TRAPPC9: variants seen among roughly 807,000 people sequenced by gnomAD.
TRAPPC9 encodes the protein IKK2 binding protein.
A neutral mutation model predicts 124.0 loss-of-function variants in TRAPPC9; 83 were observed. That is an observed-to-expected ratio of 0.67 (90% CI 0.56 to 0.80). The LOEUF is 0.80. Among genes scored for constraint, TRAPPC9 ranks in the 30% least tolerant of loss-of-function variants. The pLI, the probability that TRAPPC9 is intolerant of heterozygous loss-of-function variation, is 0.00. For missense variants in TRAPPC9, 1,302 were observed against 1,508.3 expected (o/e 0.86, Z 2.27); for synonymous variants, 638 against 617.5 (o/e 1.03, Z -0.49).
chr8:140,289,447 A>C (rs2065586836), intron 12 of TRAPPC9, among the ~76,000 whole-genome samples: 1 of 152,206 alleles, frequency 6.6e-6, no homozygotes, highest in Non-Finnish European at 1.5e-5. Context: ...AGCTAAAGCA[A>C]TATGGCCAAC....
At chr8:140,395,429 T>C (rs1304088513) in intron 7 of TRAPPC9, among the ~76,000 whole-genome samples, 2 of 152,136 alleles carry the variant, frequency 1.3e-5, no homozygotes, top group African/African-American at 4.8e-5. Flanking sequence ...AAACATCTCG[T>C]CAAGGGAAGT....
At chr8:140,301,789 T>C (rs1007676185) in intron 10 of TRAPPC9, among the ~76,000 whole-genome samples, 10 of 152,054 alleles carry the variant, frequency 6.6e-5, no homozygotes, top group African/African-American at 1.2e-4. Context: ...ACACACACTT[T>C]AGAGTGACGG....
At position 140,089,239 on chromosome 8, in the gene TRAPPC9, G is replaced by A. The variant is rs528706864; in HGVS notation, c.2557-65160C>T. Among the ~76,000 whole-genome samples the A allele has an allele frequency of 3.9e-5, 6 of 152,244 alleles. No homozygotes were observed. In the South Asian group the frequency reaches 1.2e-3, roughly 32 times the overall value. ...TTCAAAAGCCTCTTCCCCCCCGAGT[G>A]TTCCCCAGAGGCAGCACCTCATCCT... On this transcript the variant is annotated intron_variant, in intron 17 of 22. Transcript: ENST00000438773.
rs76394757 is a variant in TRAPPC9, at chr8:140,286,467, A to G, written c.1981+1141T>C. On this transcript the variant is annotated intron_variant, in intron 13 of 22. Transcript: ENST00000438773. ...AGACCAGGGCAAAAACACCAGTCCC[A>G]GTGCTTTTGTGACAAACCCTAGAAG... 5.9e-3 allele frequency among the ~76,000 whole-genome samples: 904 copies of G among 152,310 alleles called. 28 individuals carry two copies. The highest frequency in any genetic ancestry group is 0.044 in the Admixed American group (678 of 15,298).
At chr8:140,174,007 A>G (rs1045357454) in intron 17 of TRAPPC9, among the ~76,000 whole-genome samples, 2 of 152,240 alleles carry the variant, frequency 1.3e-5, no homozygotes, top group East Asian at 1.9e-4. Flanking sequence ...ACACGGCAGG[A>G]GCCTGAGCCA....
At chr8:139,810,651 G>T (rs1177853882) in intron 21 of TRAPPC9, among the ~76,000 whole-genome samples, 1 of 152,164 alleles carries the variant, frequency 6.6e-6, no homozygotes, top group African/African-American at 2.4e-5. Context: ...GGTAGGACTT[G>T]GGCCAGGAAG....
intron 9 of TRAPPC9, among the ~76,000 whole-genome samples, chr8:140,359,556 T>A (rs1329653895): frequency 6.6e-6 from 1 of 152,004 alleles, no homozygotes. Context: ...GAAGGGGGGA[T>A]GGAGTTACCC....
At chr8:139,975,635 C>T (rs1411283853) in intron 19 of TRAPPC9, among the ~76,000 whole-genome samples, 6 of 152,300 alleles carry the variant, frequency 3.9e-5, no homozygotes, top group African/African-American at 1.4e-4. Context: ...CCAAGGTCCT[C>T]TAGGATTTGG....
At position 140,101,541 on chromosome 8, in the gene TRAPPC9, G is replaced by GTT. The variant is rs11387005; in HGVS notation, c.2557-77464_2557-77463dup. 2.7e-4 allele frequency among the ~76,000 whole-genome samples: 31 copies of GTT among 114,950 alleles called. 1 individual carries two copies. Among genetic ancestry groups the GTT allele is most frequent in the Admixed American group, 4.1e-4 (4 of 9,720 alleles). 75.4% of individuals were successfully genotyped at this position (114,950 alleles called of 152,430 possible). On this transcript the variant is annotated intron_variant, in intron 17 of 22. Coordinates refer to ENST00000438773, the MANE Select transcript of TRAPPC9 (RefSeq NM_001160372.4). ...GGTTTTGTAGGGTTTTCTTTTTTTT[G>GTT]TTTTTTTTTTTTTTTTTTGAGACGT...
At chr8:139,731,606 G>A (rs1817827880) in intron 22 of TRAPPC9, among the ~76,000 whole-genome samples, 1 of 152,090 alleles carries the variant, frequency 6.6e-6, no homozygotes, top group African/African-American at 2.4e-5. Flanking sequence ...GGGGGCTGAG[G>A]GCGTAGGGCT....
At chr8:139,859,308 A>T (rs1432268495) in intron 21 of TRAPPC9, among the ~76,000 whole-genome samples, 2 of 152,004 alleles carry the variant, frequency 1.3e-5, no homozygotes. Context: ...CTGATCACCA[A>T]GCCCAGCCTG....
intron 21 of TRAPPC9, among the ~76,000 whole-genome samples, chr8:139,824,288 C>T (rs1018117752): frequency 3.9e-5 from 6 of 152,154 alleles, no homozygotes; most frequent in African/African-American, 7.2e-5. Context: ...AGGAAGTCGC[C>T]GGGTCACTGT....
intron 18 of TRAPPC9, among the ~76,000 whole-genome samples, chr8:140,002,288 G>A (rs141067882): frequency 8.4e-4 from 128 of 151,710 alleles, no homozygotes; most frequent in African/African-American, 2.9e-3. Flanking sequence ...AAATATGGAC[G>A]CTAAGAAGTA....
At chr8:140,065,280 G>C (rs774288136) in intron 17 of TRAPPC9, among the ~76,000 whole-genome samples, 3 of 152,340 alleles carry the variant, frequency 2.0e-5, no homozygotes, top group Middle Eastern at 3.4e-3. Flanking sequence ...TTGAAGGAAA[G>C]AAGTCATCTC....
chr8:140,402,030 T>C (rs934240064), intron 6 of TRAPPC9, among the ~76,000 whole-genome samples: 13 of 150,128 alleles, frequency 8.7e-5, no homozygotes, highest in African/African-American at 3.2e-4. Context: ...TTGTTCAAGT[T>C]AAAAAAAAAC....
chr8:139,960,536 C>A (rs914953329), intron 19 of TRAPPC9, among the ~76,000 whole-genome samples: 2 of 152,240 alleles, frequency 1.3e-5, no homozygotes, highest in Non-Finnish European at 2.9e-5. Flanking sequence ...AGCTCCACTA[C>A]TACCCGTATC....
At chr8:140,403,620 G>A (rs2069359198) in intron 6 of TRAPPC9, among the ~76,000 whole-genome samples, 1 of 151,824 alleles carries the variant, frequency 6.6e-6, no homozygotes, top group East Asian at 1.9e-4. Context: ...AACCTTTTTG[G>A]AGGACAATAC....
chr8:139,917,882 T>G (rs992172269), intron 19 of TRAPPC9, among the ~76,000 whole-genome samples: 6 of 152,198 alleles, frequency 3.9e-5, no homozygotes, highest in African/African-American at 1.4e-4. Context: ...ATACTGCTCG[T>G]TGTTAACAAG....
At chr8:140,327,671 T>C (rs1264527554) in intron 9 of TRAPPC9, among the ~76,000 whole-genome samples, 1 of 152,146 alleles carries the variant, frequency 6.6e-6, no homozygotes, top group Non-Finnish European at 1.5e-5. Flanking sequence ...GAACAAATAT[T>C]GTATGACTCC....
Sources: gnomAD v4.1 joint callset for allele counts (sites outside exome capture counted in the v4.1 genomes callset) on GRCh38, gnomAD v4.1.1 for gene constraint, MANE v1.5 for transcripts, NCBI Gene and HGNC (gene_info 2026-07-23, HGNC 2026-07-21) for gene names.